The following RFFL variants were observed in gnomAD, a reference collection of about 807,000 sequenced individuals.
The protein encoded by RFFL is E3 ubiquitin-protein ligase rififylin.
A neutral mutation model predicts 40.4 loss-of-function variants in RFFL; 16 were observed. The observed-to-expected ratio is 0.40, with a 90% CI of 0.27 to 0.60. The LOEUF is 0.60. Ranked by LOEUF, RFFL falls within the 20% of genes least tolerant of loss-of-function variation. The probability of loss-of-function intolerance (pLI) is 0.47; values close to 1 mark genes in which losing one functional copy is unlikely to be tolerated. For synonymous variants in RFFL, 154 were observed against 167.9 expected (o/e 0.92, Z 0.64); for missense variants, 367 against 451.7 (o/e 0.81, Z 1.70).
At chr17:35,071,601 G>A (rs1277262318) in intron 1 of RFFL, among the ~76,000 whole-genome samples, 1 of 151,622 alleles carries the variant, frequency 6.6e-6, no homozygotes, top group African/African-American at 2.4e-5. Context: ...CTGGGTGATA[G>A]AGTGAGTGAG....
At chr17:35,045,894 T>G (rs569759938) in intron 1 of RFFL, among the ~76,000 whole-genome samples, 1 of 151,786 alleles carries the variant, frequency 6.6e-6, no homozygotes, top group Admixed American at 6.6e-5. Flanking sequence ...CGTGGTGGTG[T>G]ATATGCCCAT....
upstream of RFFL, among the ~76,000 whole-genome samples, chr17:35,066,153 G>A (rs763444993): frequency 9.2e-5 from 14 of 152,112 alleles, no homozygotes; most frequent in Non-Finnish European, 1.9e-4. Context: ...CAGAAAATAC[G>A]TTATTTTAAA....
chr17:35,075,045 G>A (rs2091369221), intron 1 of RFFL, among the ~76,000 whole-genome samples: 1 of 152,174 alleles, frequency 6.6e-6, no homozygotes, highest in Non-Finnish European at 1.5e-5. Context: ...AGTTCAAAGT[G>A]AAAATTCAAG....
intron 1 of RFFL, among the ~76,000 whole-genome samples, chr17:35,034,007 G>C (rs1024113747): frequency 2.0e-5 from 3 of 151,934 alleles, no homozygotes; most frequent in Admixed American, 1.3e-4. Context: ...GCCAGACGTG[G>C]TGGCGGGCGC....
At chr17:35,061,313 A>G (rs2091289545) in intron 1 of RFFL, among the ~76,000 whole-genome samples, 1 of 152,258 alleles carries the variant, frequency 6.6e-6, no homozygotes, top group Non-Finnish European at 1.5e-5. Context: ...TTACAAACTC[A>G]AATTCCTAGA....
In RFFL at chr17:35,088,345, T is replaced by C. The variant is rs182649094; in HGVS notation, c.-9+760A>G. ...CAGTCTTCTTCCCCCCTAGAACAAA[T>C]GACAGACCAACAAAAAGGAGAAAAT... On this transcript the variant is annotated intron_variant, in intron 1 of 6. Coordinates refer to the RFFL transcript ENST00000315249. Among the ~76,000 whole-genome samples, 33 of 152,202 alleles carry C rather than the reference T, an allele frequency of 2.2e-4. No homozygotes were observed. The East Asian group carries it at 4.6e-3, about 21-fold the overall frequency.
upstream of RFFL, among the ~76,000 whole-genome samples, chr17:35,064,799 G>A (rs964371078): frequency 1.3e-5 from 2 of 152,088 alleles, no homozygotes; most frequent in Non-Finnish European, 2.9e-5. Context: ...AATAATGTTA[G>A]GTTAATTAAA....
At chr17:35,040,867 T>G (rs199930580) in intron 1 of RFFL, among the ~76,000 whole-genome samples, 5 of 9,218 alleles carry the variant, frequency 5.4e-4, no homozygotes, top group Non-Finnish European at 7.8e-4. Context: ...TTTTTTTTGG[T>G]GTGTGTGTGT....
At chr17:35,024,539 A>G (rs943566190) in intron 2 of RFFL, among the ~76,000 whole-genome samples, 1 of 152,194 alleles carries the variant, frequency 6.6e-6, no homozygotes, top group East Asian at 1.9e-4. Context: ...GGCTTGTGGC[A>G]AAAGTACAGC....
chr17:35,036,687 A>T (rs1474490254), intron 1 of RFFL, among the ~76,000 whole-genome samples: 1 of 152,270 alleles, frequency 6.6e-6, no homozygotes, highest in East Asian at 1.9e-4. Context: ...CCTGCTGAAC[A>T]GGAAAATAAC....
intron 1 of RFFL, among the ~76,000 whole-genome samples, chr17:35,062,752 CG>C (rs1567714175): frequency 6.6e-6 from 1 of 152,064 alleles, no homozygotes; most frequent in Admixed American, 6.6e-5. Context: ...GGAGCAGAAA[CG>C]TAATTTGGAG....
intron 1 of RFFL, among the ~76,000 whole-genome samples, chr17:35,057,120 C>G (rs1014274472): frequency 9.2e-5 from 14 of 151,498 alleles, no homozygotes; most frequent in Non-Finnish European, 1.9e-4. Flanking sequence ...GGTTTCACCA[C>G]GTTGACCAGG....
chr17:35,067,300 T>G (rs983122499), upstream of RFFL, among the ~76,000 whole-genome samples: 2 of 151,972 alleles, frequency 1.3e-5, no homozygotes. Flanking sequence ...GTATTTTAAG[T>G]AGAGACAGAG....
chr17:35,065,175 C>T (rs535869551), upstream of RFFL, among the ~76,000 whole-genome samples: 40 of 151,844 alleles, frequency 2.6e-4, no homozygotes, highest in South Asian at 1.5e-3. Flanking sequence ...TATGAAACAA[C>T]TCTCAAGGTA....
At chr17:35,085,718 G>A (rs977218001) in intron 1 of RFFL, among the ~76,000 whole-genome samples, 1 of 152,164 alleles carries the variant, frequency 6.6e-6, no homozygotes. Context: ...GTGAGCCACT[G>A]CGCCCAGCCA....
intron 1 of RFFL, among the ~76,000 whole-genome samples, chr17:35,030,694 CA>C (rs1356269804): frequency 6.6e-6 from 1 of 152,006 alleles, no homozygotes; most frequent in East Asian, 1.9e-4. Flanking sequence ...CTTGGCCTCC[CA>C]AAGTGCTGGC....
chr17:35,040,249 G>A (rs2091154884), intron 1 of RFFL, among the ~76,000 whole-genome samples: 1 of 152,064 alleles, frequency 6.6e-6, no homozygotes, highest in African/African-American at 2.4e-5. Flanking sequence ...GTTCTTAAAT[G>A]TTGTGAGTGT....
At chr17:35,071,412 G>A (rs1207666910) in intron 1 of RFFL, among the ~76,000 whole-genome samples, 1 of 151,894 alleles carries the variant, frequency 6.6e-6, no homozygotes, top group East Asian at 1.9e-4. Context: ...GAGGTCAGGA[G>A]TTCAAGACCA....
chr17:35,074,406 A>G (rs1247768248), intron 1 of RFFL: 1 of 152,312 alleles, frequency 6.6e-6, no homozygotes, highest in African/African-American at 2.4e-5. Context: ...GCTGAGCTAA[A>G]ACTGCGGTGA....
Sources: gnomAD v4.1 joint callset for allele counts (sites outside exome capture counted in the v4.1 genomes callset) on GRCh38, gnomAD v4.1.1 for gene constraint, MANE v1.5 for transcripts, NCBI Gene and HGNC (gene_info 2026-07-23, HGNC 2026-07-21) for gene names.